Variants in ACP3 observed in about 807,000 individuals in gnomAD.
ACP3 encodes acid phosphatase 3.
In ACP3, 38 loss-of-function variants were observed where a neutral mutation model predicts 45.6. That is an observed-to-expected ratio of 0.83 (90% CI 0.64 to 1.09). The LOEUF is 1.09. Ranked by LOEUF, ACP3 falls within the 50% of genes least tolerant of loss-of-function variation. The pLI, the probability that ACP3 is intolerant of heterozygous loss-of-function variation, is 0.00. For missense variants in ACP3, 466 were observed against 463.2 expected, an observed-to-expected ratio of 1.01 and a Z score of -0.05; for synonymous variants, 162 against 164.7, an observed-to-expected ratio of 0.98 and a Z score of 0.13.
At chr3:132,342,095 CAT>C (rs1218477355) in intron 5 of ACP3, among the ~76,000 whole-genome samples, 2 of 152,212 alleles carry the variant, frequency 1.3e-5, no homozygotes, top group Admixed American at 6.5e-5. Context: ...CATATTTACA[CAT>C]GAGTTATACT....
chr3:132,329,104 C>G (rs1486716648), intron 2 of ACP3, among the ~76,000 whole-genome samples: 1 of 152,176 alleles, frequency 6.6e-6, no homozygotes, highest in Non-Finnish European at 1.5e-5. Flanking sequence ...AGTCACTGTT[C>G]CAAAGCCCTA....
chr3:132,358,540 A>G lies in ACP3; in HGVS notation c.*1662A>G, dbSNP rs770883702. ...TATGGATAAAGATGAGATGGTTTCT[A>G]GAGATGGTTTCTACTGGCTGCCAGA... On this transcript the variant is annotated 3_prime_UTR_variant, in exon 10 of 10. Coordinates refer to ENST00000336375, the MANE Select transcript of ACP3 (RefSeq NM_001099.5). The G allele has an allele frequency of 1.7e-5, 20 of 1,172,650 alleles. No individual in the cohort carries two copies. In the South Asian group the frequency reaches 3.3e-4, roughly 19 times the overall value. The allele number at this position is 1,172,650 out of a possible 1,614,324, so 72.6% of individuals were successfully genotyped here.
Position 132,358,474 on chromosome 3 carries a change from G to A in ACP3, c.*1596G>A. 7.8e-7 allele frequency: 1 copy of A among 1,274,910 alleles called. No individual in the cohort carries two copies. Among genetic ancestry groups the A allele is most frequent in the Non-Finnish European group, 1.0e-6 (1 of 980,428 alleles). The allele number at this position is 1,274,910 out of a possible 1,614,324, so 79.0% of individuals were successfully genotyped here. Reference sequence around the variant, plus strand: ...AATCATGATATAGCTTTGCCATGTGGCAGATCTACATGTCTAGAGAACACT... The same window carrying A: ...AATCATGATATAGCTTTGCCATGTGACAGATCTACATGTCTAGAGAACACT... On this transcript the variant is annotated 3_prime_UTR_variant, in exon 10 of 10. Transcript: ENST00000336375.
At chr3:132,352,625 A>C in intron 8 of ACP3, 95 bp from the exon 9 acceptor site, 1 of 846,966 alleles carries the variant, frequency 1.2e-6, no homozygotes, top group Non-Finnish European at 1.9e-6. Context: ...TGGGAAATTT[A>C]ATTGAATCAG....
chr3:132,321,680 G>A (rs1006066929), intron 1 of ACP3, among the ~76,000 whole-genome samples: 7 of 152,126 alleles, frequency 4.6e-5, no homozygotes, highest in Admixed American at 3.3e-4. Flanking sequence ...AAATGCAAAG[G>A]AATAATTAAT....
At chr3:132,328,239 A>C in intron 1 of ACP3, 28 bp from the exon 2 acceptor site, 20 of 1,547,356 alleles carry the variant, frequency 1.3e-5, no homozygotes, top group Non-Finnish European at 1.7e-5. Context: ...TGACGTTTGT[A>C]ACATCACTCT....
In ACP3 at chr3:132,331,703, A is replaced by C; in HGVS notation, c.273A>C (p.Lys91Asn). ...LGEYIRKRYR[K>N]FLNESYKHEQ... ...AGTATATAAGAAAGAGATATAGAAA[A>C]TTCTTGAATGAGTCCTATAAACATG... Residue 91 changes from lysine to asparagine, a missense_variant, in exon 3 of 10, where the codon AAA (lysine) becomes AAC (asparagine). By Grantham distance (94) the Lys-to-Asn change is moderately conservative. Transcript: ENST00000336375. 6.2e-7 allele frequency: 1 copy of C among 1,608,948 alleles called. No individual in the cohort carries two copies. The highest frequency in any genetic ancestry group is 8.5e-7 in the Non-Finnish European group (1 of 1,178,870).
At chr3:132,330,184 T>TA (rs1937375397) in intron 2 of ACP3, among the ~76,000 whole-genome samples, 2 of 152,118 alleles carry the variant, frequency 1.3e-5, no homozygotes, top group Non-Finnish European at 2.9e-5. Context: ...CCTCCCAAAG[T>TA]GCTAGAATTT....
Position 132,321,436 on chromosome 3 carries a change from T to C in ACP3, c.120+3860T>C, listed in dbSNP as rs1008835060. 7.2e-5 allele frequency among the ~76,000 whole-genome samples: 11 copies of C among 152,316 alleles called. No individual in the cohort carries two copies. The East Asian group carries it at 1.3e-3, about 19-fold the overall frequency. ...TCTCTCTCCCTTGCTGTATGGCTCC[T>C]AATCACTGTATCCAAGGAACAGCCA... On this transcript the variant is annotated intron_variant, in intron 1 of 9. Transcript: ENST00000336375.
chr3:132,344,842 T>C, intron 6 of ACP3, 85 bp from the exon 7 acceptor site: 2 of 1,506,434 alleles, frequency 1.3e-6, no homozygotes, highest in South Asian at 1.3e-5. Context: ...CCCTACTAGT[T>C]CTTGTGAGGT....
chr3:132,350,775 AC>A (rs1937713810), intron 8 of ACP3, among the ~76,000 whole-genome samples: 3 of 149,482 alleles, frequency 2.0e-5, no homozygotes, highest in South Asian at 2.2e-4. Context: ...GCAAGGGAGA[AC>A]CCCCCTGTCA....
intron 1 of ACP3, among the ~76,000 whole-genome samples, chr3:132,327,749 T>G (rs1347417090): frequency 6.6e-6 from 1 of 151,120 alleles, no homozygotes; most frequent in Non-Finnish European, 1.5e-5. Context: ...AACCTGGGAT[T>G]CGCCACTGCA....
chr3:132,351,591 C>T (rs754032464), intron 8 of ACP3, among the ~76,000 whole-genome samples: 8 of 152,200 alleles, frequency 5.3e-5, no homozygotes, highest in Admixed American at 2.0e-4. Context: ...TAGGCCTGGG[C>T]AGGAGCAGAG....
intron 1 of ACP3, among the ~76,000 whole-genome samples, chr3:132,327,747 A>T (rs1217792777): frequency 1.3e-5 from 2 of 151,306 alleles, no homozygotes; most frequent in African/African-American, 4.9e-5. Flanking sequence ...TGAACCTGGG[A>T]TTCGCCACTG....
intron 4 of ACP3, among the ~76,000 whole-genome samples, chr3:132,334,151 T>C (rs754623646): frequency 6.6e-6 from 1 of 152,140 alleles, no homozygotes; most frequent in Non-Finnish European, 1.5e-5. Context: ...ACAACAGCTA[T>C]TTAACAATTA....
chr3:132,323,948 T>C (rs961171734), intron 1 of ACP3, among the ~76,000 whole-genome samples: 2 of 152,226 alleles, frequency 1.3e-5, no homozygotes, highest in African/African-American at 4.8e-5. Context: ...CTGGGCACAG[T>C]GGCTCACGCC....
downstream of ACP3, among the ~76,000 whole-genome samples, chr3:132,361,760 T>C (rs1462774431): frequency 6.6e-6 from 1 of 152,222 alleles, no homozygotes; most frequent in African/African-American, 2.4e-5. Context: ...AGTTCTACTC[T>C]CACAATCTCA....
downstream of ACP3, among the ~76,000 whole-genome samples, chr3:132,361,950 C>T (rs1024483710): frequency 1.3e-5 from 2 of 152,240 alleles, no homozygotes; most frequent in South Asian, 2.1e-4. Context: ...CCTTATACTA[C>T]GAAAATGCCC....
intron 2 of ACP3, among the ~76,000 whole-genome samples, chr3:132,328,772 T>G: frequency 6.6e-6 from 1 of 152,038 alleles, no homozygotes; most frequent in East Asian, 1.9e-4. Flanking sequence ...CCCTTCTGGC[T>G]TTATTTAAAT....
Sources: gnomAD v4.1 joint callset for allele counts (sites outside exome capture counted in the v4.1 genomes callset) on GRCh38, gnomAD v4.1.1 for gene constraint, MANE v1.5 for transcripts, NCBI Gene and HGNC (gene_info 2026-07-23, HGNC 2026-07-21) for gene names.